Variants in CLCN5 observed in about 807,000 individuals in gnomAD.
The protein encoded by CLCN5 is Cl-/H+ antiporter 5, also known as H(+)/Cl(-) exchange transporter 5.
In CLCN5, 17 loss-of-function variants were observed where a neutral mutation model predicts 54.0. The ratio of observed to expected loss-of-function variants is 0.31; its 90% CI spans 0.22 to 0.47. The LOEUF is 0.47. CLCN5 is among the 20% of genes least tolerant of loss of function. The probability of loss-of-function intolerance (pLI) is 1.00; values close to 1 mark genes in which losing one functional copy is unlikely to be tolerated. For missense variants in CLCN5, 448 were observed against 646.7 expected (o/e 0.69, Z 3.33); for synonymous variants, 222 against 233.0 (o/e 0.95, Z 0.43).
chrX:49,962,782 C>G (rs1973219892), intron 3 of CLCN5, among the ~76,000 whole-genome samples: 1 of 111,645 alleles, frequency 9.0e-6, no homozygotes. Context: ...CAAGCCTGGC[C>G]CGGTCCCATC....
intron 4 of CLCN5, among the ~76,000 whole-genome samples, chrX:50,053,055 T>A (rs1291617246): frequency 8.9e-6 from 1 of 111,812 alleles, no homozygotes; most frequent in Admixed American, 9.5e-5. Context: ...GAGAGCAAAC[T>A]TTGTATGATT....
chrX:50,077,613 A>AGTGT (rs1265727090), intron 7 of CLCN5, among the ~76,000 whole-genome samples: 2 of 91,137 alleles, frequency 2.2e-5, no homozygotes, highest in African/African-American at 9.7e-5. Flanking sequence ...AGAGAGAGAG[A>AGTGT]GAGAGAGAGT....
intron 3 of CLCN5, among the ~76,000 whole-genome samples, chrX:50,026,616 G>A (rs1931404050): frequency 9.0e-6 from 1 of 111,610 alleles, no homozygotes; most frequent in African/African-American, 3.3e-5. Flanking sequence ...TCATTATGCA[G>A]TACCCCTCTT....
intron 2 of CLCN5, among the ~76,000 whole-genome samples, chrX:49,924,145 A>ATTTTTTTTTTTTTTTTTTT (rs34424526): frequency 4.7e-5 from 4 of 84,471 alleles, no homozygotes; most frequent in Admixed American, 1.3e-4. Context: ...CCTAGCTCCT[A>ATTTTTTTTTTTTTTTTTTT]TTTTTTTTTT....
intron 7 of CLCN5, among the ~76,000 whole-genome samples, chrX:50,077,286 T>C (rs1933442153): frequency 9.0e-6 from 1 of 110,896 alleles, no homozygotes; most frequent in East Asian, 2.8e-4. Flanking sequence ...AGAGTTTAGG[T>C]CTATGCTTCT....
At chrX:50,019,158 G>C (rs1239940272) in intron 3 of CLCN5, among the ~76,000 whole-genome samples, 1 of 111,554 alleles carries the variant, frequency 9.0e-6, no homozygotes, top group African/African-American at 3.3e-5. Context: ...CTCCTTGCAT[G>C]AGTTTTGGTA....
chrX:50,088,254 G>A (rs1330777271), intron 11 of CLCN5, among the ~76,000 whole-genome samples: 3 of 112,060 alleles, frequency 2.7e-5, no homozygotes, highest in Non-Finnish European at 5.6e-5. Context: ...CCTGCCTCCT[G>A]GGGTTATAAA....
At position 50,088,257 on chromosome X, in the gene CLCN5, G is replaced by C. The variant is rs782656855; in HGVS notation, c.1558-441G>C. 9.8e-5 allele frequency among the ~76,000 whole-genome samples: 11 copies of C among 112,235 alleles called. No homozygotes were observed. The East Asian group carries it at 2.2e-3, about 23-fold the overall frequency. On this transcript the variant is annotated intron_variant, in intron 11 of 14. Coordinates refer to ENST00000376091, the MANE Select transcript of CLCN5 (RefSeq NM_001127898.4). ...GGAATAATAATGCCTGCCTCCTGGG[G>C]TTATAAAGAACCCATGAATCTTGCA...
rs1171367461 is a variant in CLCN5, at chrX:50,098,448, C to A, written c.*6229C>A. 8.9e-6 allele frequency: 1 copy of A among 112,875 alleles called. No individual in the cohort carries two copies. Among genetic ancestry groups the A allele is most frequent in the Non-Finnish European group, 1.9e-5 (1 of 53,362 alleles). The allele number at this position is 112,875 out of a possible 1,213,427, so 9.3% of individuals were successfully genotyped here. A position where few individuals can be genotyped will look rare whatever the true frequency, so the allele number is the denominator to read the frequency against. On this transcript the variant is annotated 3_prime_UTR_variant, in exon 15 of 15. Transcript: ENST00000376091. Reference sequence around the variant, plus strand: ...AGTGAGCCAATGAGGCCAGGAAGATCAGAGGGGCTGGGTTCCGGCCCATGG... The same window carrying A: ...AGTGAGCCAATGAGGCCAGGAAGATAAGAGGGGCTGGGTTCCGGCCCATGG...
At chrX:50,085,114 T>G (rs1342407235) in intron 9 of CLCN5, among the ~76,000 whole-genome samples, 2 of 112,081 alleles carry the variant, frequency 1.8e-5, no homozygotes, top group African/African-American at 6.5e-5. Flanking sequence ...AGGACCTTTT[T>G]ATTCTTCAAA....
At chrX:49,923,110 G>A (rs1029051778) in intron 1 of CLCN5, among the ~76,000 whole-genome samples, 1 of 113,396 alleles carries the variant, frequency 8.8e-6, no homozygotes, top group Non-Finnish European at 1.9e-5. Context: ...TTGAATCGGA[G>A]TGTTTAGCCG....
At chrX:49,932,424 G>A (rs1413494152) in intron 3 of CLCN5, among the ~76,000 whole-genome samples, 2 of 112,000 alleles carry the variant, frequency 1.8e-5, no homozygotes, top group East Asian at 2.8e-4. Flanking sequence ...GCAATAATGT[G>A]TATAACTTTT....
intron 9 of CLCN5, among the ~76,000 whole-genome samples, chrX:50,084,564 T>C (rs1557193644): frequency 9.0e-6 from 1 of 111,003 alleles, no homozygotes; most frequent in Non-Finnish European, 1.9e-5. Context: ...TGAATTTTTT[T>C]GTAGAGACTG....
At chrX:50,064,267 T>A (rs1415838841) in intron 4 of CLCN5, among the ~76,000 whole-genome samples, 2 of 110,015 alleles carry the variant, frequency 1.8e-5, no homozygotes, top group Non-Finnish European at 3.8e-5. Flanking sequence ...AACCCCGTCG[T>A]CTCAGCCCAA....
chrX:50,090,033 G>C, intron 12 of CLCN5, 83 bp from the exon 13 acceptor site: 1 of 1,034,912 alleles, frequency 9.7e-7, no homozygotes, highest in Non-Finnish European at 1.3e-6. Flanking sequence ...GTTTTTGGTA[G>C]GTCAGCTTTT....
intron 3 of CLCN5, among the ~76,000 whole-genome samples, chrX:49,960,220 A>C (rs1557174483): frequency 1.8e-5 from 2 of 110,388 alleles, no homozygotes; most frequent in Non-Finnish European, 3.8e-5. Context: ...GTTCCACTGC[A>C]CCTGCCCTGC....
chrX:50,000,108 C>T (rs1253174401), intron 3 of CLCN5, among the ~76,000 whole-genome samples: 1 of 109,806 alleles, frequency 9.1e-6, no homozygotes, highest in African/African-American at 3.3e-5. Context: ...ATATGCTTCC[C>T]CAAACCTGTT....
intron 3 of CLCN5, among the ~76,000 whole-genome samples, chrX:49,967,461 G>A (rs1243768931): frequency 2.2e-5 from 2 of 90,634 alleles, no homozygotes; most frequent in East Asian, 3.0e-4. Context: ...TTTTGATGGG[G>A]TTGTTTGTTT....
In CLCN5 at chrX:50,095,209, C is replaced by T. The variant is rs1311796779; in HGVS notation, c.*2990C>T. The T allele has an allele frequency of 3.6e-5, 4 of 112,146 alleles. No individual in the cohort carries two copies. The highest frequency in any genetic ancestry group is 9.7e-5 in the African/African-American group (3 of 30,855). The allele number at this position is 112,146 out of a possible 1,213,427, so 9.2% of individuals were successfully genotyped here. On this transcript the variant is annotated 3_prime_UTR_variant, in exon 15 of 15. Coordinates refer to ENST00000376091, the MANE Select transcript of CLCN5 (RefSeq NM_001127898.4). Reference sequence around the variant, plus strand: ...GGTAGCCATCCAGCCATAAAAGGAACGAGAGTCTATAGATTTGTAAAAGTA... The same window carrying T: ...GGTAGCCATCCAGCCATAAAAGGAATGAGAGTCTATAGATTTGTAAAAGTA...
Sources: allele counts gnomAD v4.1 joint callset (sites outside exome capture counted in the v4.1 genomes callset), GRCh38; gene constraint gnomAD v4.1.1; transcripts MANE v1.5; gene names NCBI Gene and HGNC (gene_info 2026-07-23, HGNC 2026-07-21).